Variants in THSD7B observed in about 807,000 individuals in gnomAD.
The protein encoded by THSD7B is thrombospondin type 1 domain containing 7B.
Under a neutral mutation model 213.6 loss-of-function variants are expected in THSD7B, and 138 were observed. That is an observed-to-expected ratio of 0.65 (90% CI 0.56 to 0.74). The LOEUF is 0.74. THSD7B is among the 30% of genes least tolerant of loss of function. The pLI, the probability that THSD7B is intolerant of heterozygous loss-of-function variation, is 0.00. For missense variants in THSD7B, 1,931 were observed against 1,991.5 expected (o/e 0.97, Z 0.58); for synonymous variants, 742 against 687.0 (o/e 1.08, Z -1.25).
intron 21 of THSD7B, among the ~76,000 whole-genome samples, chr2:137,643,546 AC>A (rs1490337874): frequency 6.6e-6 from 1 of 152,236 alleles, no homozygotes. Flanking sequence ...ATGCTAATTA[AC>A]CAATTCAGAA....
intron 17 of THSD7B, among the ~76,000 whole-genome samples, chr2:137,582,979 C>T (rs1005056516): frequency 5.3e-5 from 8 of 152,210 alleles, no homozygotes; most frequent in Admixed American, 1.3e-4. Flanking sequence ...GTTCCTATTT[C>T]TCCACATCCT....
At chr2:137,353,852 T>C (rs1361143911) in intron 12 of THSD7B, among the ~76,000 whole-genome samples, 2 of 152,022 alleles carry the variant, frequency 1.3e-5, no homozygotes, top group African/African-American at 4.8e-5. Flanking sequence ...TGATTGAAAA[T>C]GAGGTAGAGT....
chr2:136,783,765 G>A (rs1024425329), intron 1 of THSD7B, among the ~76,000 whole-genome samples: 6 of 152,216 alleles, frequency 3.9e-5, no homozygotes, highest in African/African-American at 1.4e-4. Flanking sequence ...ACAGAGGAGA[G>A]GAAGAGTAAG....
intron 1 of THSD7B, among the ~76,000 whole-genome samples, chr2:136,878,959 A>G (rs376969442): frequency 2.3e-4 from 35 of 151,992 alleles, no homozygotes; most frequent in Admixed American, 1.7e-3. Context: ...TGTTGCCATT[A>G]CTTTTGGTGT....
chr2:137,599,760 A>G (rs931519057), intron 17 of THSD7B, among the ~76,000 whole-genome samples: 1 of 152,194 alleles, frequency 6.6e-6, no homozygotes. Flanking sequence ...GAAGAAATTC[A>G]TTTTGAATGC....
chr2:136,927,593 G>T (rs1400965012), intron 2 of THSD7B, among the ~76,000 whole-genome samples: 2 of 152,196 alleles, frequency 1.3e-5, no homozygotes, highest in Non-Finnish European at 2.9e-5. Context: ...TTGTCAAACT[G>T]CAGGACATTG....
chr2:137,594,620 C>A lies in THSD7B; in HGVS notation c.3424-21555C>A, dbSNP rs564448783. Among the ~76,000 whole-genome samples the A allele has an allele frequency of 3.3e-5, 5 of 152,074 alleles. No homozygotes were observed. The South Asian group carries it at 1.0e-3, about 32-fold the overall frequency. ...ATTGTATTGTCTTAATTAGTGTTGA[C>A]TTAGACTGAGTCTAAAAATTTGATA... On this transcript the variant is annotated intron_variant, in intron 17 of 27. Coordinates refer to ENST00000409968, the MANE Select transcript of THSD7B (RefSeq NM_001316349.2).
chr2:137,358,002 C>A (rs1342507424), intron 12 of THSD7B, among the ~76,000 whole-genome samples: 2 of 152,182 alleles, frequency 1.3e-5, no homozygotes, highest in African/African-American at 4.8e-5. Flanking sequence ...CATTTAATTT[C>A]TCCTACCTTG....
At chr2:136,993,294 C>A (rs907750693) in intron 2 of THSD7B, among the ~76,000 whole-genome samples, 8 of 152,166 alleles carry the variant, frequency 5.3e-5, no homozygotes, top group Non-Finnish European at 1.0e-4. Context: ...AAAAGCAAGT[C>A]AAACCAGTGT....
At chr2:136,813,674 T>C (rs559449740) in intron 1 of THSD7B, among the ~76,000 whole-genome samples, 1 of 152,282 alleles carries the variant, frequency 6.6e-6, no homozygotes, top group South Asian at 2.1e-4. Flanking sequence ...TACGAGTCAA[T>C]ACAATTTCTA....
intron 2 of THSD7B, among the ~76,000 whole-genome samples, chr2:137,008,056 C>G (rs1048434189): frequency 6.6e-5 from 10 of 151,980 alleles, no homozygotes; most frequent in Non-Finnish European, 5.9e-5. Context: ...TTGACAGTTT[C>G]ATATCTAATC....
chr2:137,584,404 G>C (rs1419001625), intron 17 of THSD7B, among the ~76,000 whole-genome samples: 1 of 152,186 alleles, frequency 6.6e-6, no homozygotes, highest in African/African-American at 2.4e-5. Flanking sequence ...GGACATTCCT[G>C]TCTTGTGCCA....
Position 136,841,439 on chromosome 2 carries a change from C to CA in THSD7B, c.-35-40696dup, listed in dbSNP as rs111309132. 6.9e-3 allele frequency among the ~76,000 whole-genome samples: 1,032 copies of CA among 148,788 alleles called. 22 individuals carry two copies. The East Asian group carries it at 0.084, about 12-fold the overall frequency. On this transcript the variant is annotated intron_variant, in intron 1 of 27. Coordinates refer to ENST00000409968, the MANE Select transcript of THSD7B (RefSeq NM_001316349.2). ...TGAAACTCCATCTCCACTAAAAATA[C>CA]AAAAAAAAATAGCTGGACATGGTGG...
intron 10 of THSD7B, among the ~76,000 whole-genome samples, chr2:137,251,504 T>C (rs1682177083): frequency 6.6e-6 from 1 of 152,202 alleles, no homozygotes; most frequent in African/African-American, 2.4e-5. Flanking sequence ...ACTGGGGTAG[T>C]AGTTACTGTT....
intron 7 of THSD7B, among the ~76,000 whole-genome samples, chr2:137,172,118 T>A (rs1163675418): frequency 3.3e-5 from 5 of 152,186 alleles, no homozygotes; most frequent in Admixed American, 6.5e-5. Context: ...TATTTTTTGG[T>A]CTTCGTCCCT....
Position 136,985,944 on chromosome 2 carries a change from G to A in THSD7B, c.140-70476G>A, listed in dbSNP as rs149998040. ...TGGAGTCAAAGGAGATTATTTTAGAGCTTTAAGATTTAATGACTGCCCTCC... is the reference window on the plus strand; with the variant it reads ...TGGAGTCAAAGGAGATTATTTTAGAACTTTAAGATTTAATGACTGCCCTCC... On this transcript the variant is annotated intron_variant, in intron 2 of 27. Transcript: ENST00000409968. Among the ~76,000 whole-genome samples the A allele has an allele frequency of 1.3e-3, 202 of 152,350 alleles. 1 individual carries two copies. Among genetic ancestry groups the A allele is most frequent in the African/African-American group, 4.7e-3 (197 of 41,582 alleles).
chr2:136,988,375 G>C (rs1381025503), intron 2 of THSD7B, among the ~76,000 whole-genome samples: 1 of 152,224 alleles, frequency 6.6e-6, no homozygotes, highest in African/African-American at 2.4e-5. Flanking sequence ...ATGTCCATGA[G>C]CAGTGGAGGA....
chr2:137,521,596 T>C (rs1429901873), intron 15 of THSD7B, among the ~76,000 whole-genome samples: 2 of 152,202 alleles, frequency 1.3e-5, no homozygotes, highest in Non-Finnish European at 2.9e-5. Flanking sequence ...TACAGGGGAA[T>C]AAAGTTGTTA....
At chr2:137,661,507 T>A (rs1683342486) in intron 25 of THSD7B, among the ~76,000 whole-genome samples, 1 of 151,792 alleles carries the variant, frequency 6.6e-6, no homozygotes, top group Non-Finnish European at 1.5e-5. Flanking sequence ...TTTGACATGG[T>A]TATGTCAGCA....
Sources: allele counts gnomAD v4.1 joint callset (sites outside exome capture counted in the v4.1 genomes callset), GRCh38; gene constraint gnomAD v4.1.1; transcripts MANE v1.5; gene names NCBI Gene and HGNC (gene_info 2026-07-23, HGNC 2026-07-21).